Variants in ETS1 observed in about 807,000 individuals in gnomAD.
The protein encoded by ETS1 is ETS proto-oncogene 1, transcription factor, also known as protein C-ets-1.
ETS1 carries 15 observed loss-of-function variants against 58.6 expected under a neutral mutation model. The ratio of observed to expected loss-of-function variants is 0.26; its 90% confidence interval spans 0.17 to 0.39. The LOEUF (loss-of-function observed/expected upper bound fraction) is 0.39. Ranked by LOEUF, ETS1 falls within the 10% of genes least tolerant of loss-of-function variation. The probability of loss-of-function intolerance (pLI) is 1.00; values close to 1 mark genes in which losing one functional copy is unlikely to be tolerated. For synonymous variants in ETS1, 214 were observed against 218.2 expected (o/e 0.98, Z 0.17); for missense variants, 417 against 610.5 (o/e 0.68, Z 3.34).
chr11:128,483,394 T>C (rs376507329), intron 7 of ETS1, among the ~76,000 whole-genome samples: 52 of 152,326 alleles, frequency 3.4e-4, no homozygotes, highest in African/African-American at 1.1e-3. Context: ...ACCCACAGGC[T>C]TGGCCTCACT....
rs766848139 is a variant in ETS1 at position 128,464,238 on chromosome 11, G to GAA, written c.1124-613_1124-612dup. Among the ~76,000 whole-genome samples the GAA allele has an allele frequency of 1.4e-4, 16 of 118,464 alleles. No homozygotes were observed. Among genetic ancestry groups the GAA allele is most frequent in the African/African-American group, 3.6e-4 (12 of 33,062 alleles). 77.7% of individuals were successfully genotyped at this position (118,464 alleles called of 152,430 possible). ...TCCACTTACAGGAAAGCACCCAAAG[G>GAA]AAAAAAAAAAAAAAGCATCATTACT... On this transcript the variant is annotated intron_variant, in intron 8 of 9. Transcript: ENST00000392668. The surrounding 1 kb of genome is among the most constrained non-coding windows in gnomAD (Gnocchi z 4.1).
At chr11:128,494,959 T>A (rs1317215141) in intron 3 of ETS1, among the ~76,000 whole-genome samples, 1 of 152,100 alleles carries the variant, frequency 6.6e-6, no homozygotes, top group East Asian at 1.9e-4. Flanking sequence ...GTGTGTTGGG[T>A]ATGGTCACAC....
At chr11:128,571,106 G>T (rs1406730797) in intron 2 of ETS1, among the ~76,000 whole-genome samples, 1 of 152,028 alleles carries the variant, frequency 6.6e-6, no homozygotes, top group Non-Finnish European at 1.5e-5. Flanking sequence ...AATAGCTACT[G>T]AGAGTTTTTG....
At chr11:128,520,983 CT>C (rs1284694108) in intron 3 of ETS1, among the ~76,000 whole-genome samples, 4 of 152,158 alleles carry the variant, frequency 2.6e-5, no homozygotes, top group African/African-American at 9.7e-5. Context: ...TTTCTATATA[CT>C]TTCACCTCCA....
chr11:128,525,989 G>C (rs1480664748), intron 3 of ETS1, among the ~76,000 whole-genome samples: 2 of 152,160 alleles, frequency 1.3e-5, no homozygotes, highest in Non-Finnish European at 2.9e-5. Flanking sequence ...GGCTGGCTCT[G>C]TGACCTCACC....
At chr11:128,580,185 A>C in intron 1 of ETS1, among the ~76,000 whole-genome samples, 1 of 150,910 alleles carries the variant, frequency 6.6e-6, no homozygotes, top group East Asian at 2.0e-4. Context: ...TTAAAAAAAA[A>C]AAAAAAAAAA....
chr11:128,521,611 A>G (rs1565395045), intron 3 of ETS1, among the ~76,000 whole-genome samples: 2 of 152,126 alleles, frequency 1.3e-5, no homozygotes, highest in Admixed American at 1.3e-4. Flanking sequence ...CTCATTTGGG[A>G]AAATAAAAAA....
At position 128,462,170 on chromosome 11, in the gene ETS1, A is replaced by G. The variant is rs941988067; in HGVS notation, c.*191T>C. Reference sequence around the variant, plus strand: ...AAGAATTTCTGGTCCCACCCACCCCACAAGTCCTGGCTTTCCTTTCCCAAC... The same window carrying G: ...AAGAATTTCTGGTCCCACCCACCCCGCAAGTCCTGGCTTTCCTTTCCCAAC... On this transcript the variant is annotated 3_prime_UTR_variant, in exon 10 of 10. Coordinates refer to ENST00000392668, the MANE Select transcript of ETS1 (RefSeq NM_001143820.2). The G allele has an allele frequency of 1.3e-5, 7 of 544,104 alleles. No individual in the cohort carries two copies. In the East Asian group the frequency reaches 1.7e-4, roughly 13 times the overall value. The allele number at this position is 544,104 out of a possible 1,614,324, so 33.7% of individuals were successfully genotyped here.
intron 2 of ETS1, among the ~76,000 whole-genome samples, chr11:128,559,593 T>C (rs1019305208): frequency 2.0e-5 from 3 of 152,222 alleles, no homozygotes; most frequent in African/African-American, 7.2e-5. Context: ...GAGAAGGCAA[T>C]AATGTACAAA....
chr11:128,553,552 G>A (rs374371263), intron 3 of ETS1, among the ~76,000 whole-genome samples: 9 of 151,168 alleles, frequency 6.0e-5, no homozygotes, highest in South Asian at 2.1e-4. Context: ...CACCATACCC[G>A]CTTTATCATC....
intron 3 of ETS1, among the ~76,000 whole-genome samples, chr11:128,547,028 A>G (rs903215442): frequency 3.3e-5 from 5 of 152,212 alleles, no homozygotes; most frequent in African/African-American, 9.6e-5. Flanking sequence ...TATGTTAAAG[A>G]AAAAGGAGAG....
chr11:128,518,720 C>G (rs1021715098), intron 3 of ETS1, among the ~76,000 whole-genome samples: 2 of 152,172 alleles, frequency 1.3e-5, no homozygotes, highest in Non-Finnish European at 2.9e-5. Context: ...GGCAGCTCTG[C>G]CCTTCTTTCT....
At chr11:128,509,462 A>G (rs1000322906) in intron 3 of ETS1, among the ~76,000 whole-genome samples, 6 of 152,140 alleles carry the variant, frequency 3.9e-5, no homozygotes, top group Non-Finnish European at 8.8e-5. Flanking sequence ...CAAAGCACCA[A>G]TTCTGTACAC....
In ETS1 at chr11:128,556,405, G is replaced by A. The variant is rs1864313569; in HGVS notation, c.100C>T (p.Pro34Ser). ...GACTGGAAACCACAGTTCATTCGAG[G>A]ATCTTCATAAGTGTTGCTAGGTCCT... is the stretch of plus-strand genomic sequence containing the variant. ...RQGPSNTYED[P>S]RMNCGFQSNY... is the part of the protein sequence containing the mutation. Residue 34 changes from proline (P) to serine (S), a missense_variant, in exon 3 of 10, where the codon CCT (proline) becomes TCT (serine). Physicochemically the swap from Pro to Ser is moderately conservative, Grantham distance 74. Transcript: ENST00000392668. 3.1e-6 allele frequency: 5 copies of A among 1,612,470 alleles called. No homozygotes were observed. In the South Asian group the frequency reaches 5.5e-5, roughly 18 times the overall value.
intron 7 of ETS1, among the ~76,000 whole-genome samples, chr11:128,483,152 A>C (rs893957360): frequency 6.6e-6 from 1 of 152,166 alleles, no homozygotes; most frequent in Non-Finnish European, 1.5e-5. Flanking sequence ...CTGTGGCCTG[A>C]ACTTGGAGGG....
At position 128,463,666 on chromosome 11, in the gene ETS1, T is replaced by A; in HGVS notation, c.1124-39A>T. On this transcript the variant is annotated intron_variant, in intron 8 of 9. Transcript: ENST00000392668. This position sits in a 1 kb window ranked among gnomAD's most constrained non-coding sequence, Gnocchi z 4.1. ...CCATTGTGAATCATTACACCAGATA[T>A]TCAGCACTCTACGCAGCTAATCCCC... 1 of 1,119,224 alleles carries A rather than the reference T, an allele frequency of 8.9e-7. No individual in the cohort carries two copies. Among genetic ancestry groups the A allele is most frequent in the Non-Finnish European group, 1.4e-6 (1 of 729,638 alleles). 69.3% of individuals were successfully genotyped at this position (1,119,224 alleles called of 1,614,324 possible). A position where few individuals can be genotyped will look rare whatever the true frequency, so the allele number is the denominator to read the frequency against.
At chr11:128,497,381 A>C (rs944511214) in intron 3 of ETS1, among the ~76,000 whole-genome samples, 3 of 152,226 alleles carry the variant, frequency 2.0e-5, no homozygotes, top group Non-Finnish European at 4.4e-5. Flanking sequence ...TCCAAATTGC[A>C]TGGAGAAGCT....
intron 3 of ETS1, among the ~76,000 whole-genome samples, chr11:128,553,248 T>C (rs1591658534): frequency 6.6e-6 from 1 of 151,988 alleles, no homozygotes; most frequent in Admixed American, 6.6e-5. Context: ...TAGGAGGAGG[T>C]AGAAATGAAA....
chr11:128,490,575 A>T lies in ETS1; in HGVS notation c.216T>A (p.Asp72Glu). ...VPTGLEHCVS[D>E]MECADVPLLT... ...ATAGTGGGACATCTGCACATTCCATATCTGCATGAAAAAATTGCATATGAA... is the reference window on the plus strand; with the variant it reads ...ATAGTGGGACATCTGCACATTCCATTTCTGCATGAAAAAATTGCATATGAA... Residue 72 changes from aspartate (D) to glutamate (E), a missense_variant and splice_region_variant, in exon 4 of 10, where the codon GAT (aspartate) becomes GAA (glutamate). Around this residue, in one of 4 missense-constraint regions of ETS1, gnomAD observed 90 missense variants for 90.3 expected, o/e 1.00. Transcript: ENST00000392668. 1.2e-6 allele frequency: 2 copies of T among 1,610,362 alleles called. No homozygotes were observed. The highest frequency in any genetic ancestry group is 1.7e-6 in the Non-Finnish European group (2 of 1,177,004).
Sources: allele counts gnomAD v4.1 joint callset (sites outside exome capture counted in the v4.1 genomes callset), GRCh38; gene constraint gnomAD v4.1.1; regional missense constraint gnomAD v4.1.1; non-coding constraint Gnocchi (gnomAD v3.1); transcripts MANE v1.5; gene names NCBI Gene and HGNC (gene_info 2026-07-23, HGNC 2026-07-21).